SLC39A12: variants seen among roughly 807,000 people sequenced by gnomAD.
SLC39A12 encodes zinc transporter ZIP12.
In SLC39A12, 63 loss-of-function variants were observed where a neutral mutation model predicts 71.1. The observed-to-expected ratio is 0.89, with a 90% CI of 0.72 to 1.09. The LOEUF (loss-of-function observed/expected upper bound fraction) is 1.09, where lower values mean the gene tolerates loss of function less well. SLC39A12 is among the 50% of genes least tolerant of loss of function. SLC39A12 has a pLI of 0.00. For synonymous variants in SLC39A12, 351 were observed against 301.3 expected (o/e 1.16, Z -1.71); for missense variants, 892 against 812.6 (o/e 1.10, Z -1.19).
At chr10:17,987,953 C>T (rs544482966) in intron 7 of SLC39A12, among the ~76,000 whole-genome samples, 15 of 152,038 alleles carry the variant, frequency 9.9e-5, no homozygotes, top group Non-Finnish European at 1.9e-4. Flanking sequence ...GCGGGAAGAT[C>T]GCTGGAGCCC....
At chr10:17,984,479 G>C (rs1231608907) in intron 6 of SLC39A12, among the ~76,000 whole-genome samples, 1 of 152,130 alleles carries the variant, frequency 6.6e-6, no homozygotes, top group Non-Finnish European at 1.5e-5. Flanking sequence ...TCTAAAATGG[G>C]ACAGCTGTAA....
chr10:18,017,734 A>G (rs1836425711), intron 12 of SLC39A12, among the ~76,000 whole-genome samples: 1 of 152,082 alleles, frequency 6.6e-6, no homozygotes, highest in Non-Finnish European at 1.5e-5. Context: ...TATGCCATTG[A>G]TCTATTTGTC....
At chr10:17,996,497 A>T (rs1431352713) in intron 10 of SLC39A12, among the ~76,000 whole-genome samples, 2 of 152,250 alleles carry the variant, frequency 1.3e-5, no homozygotes, top group Non-Finnish European at 2.9e-5. Context: ...TAACTTAGCA[A>T]ATAGTGAAAA....
chr10:18,041,463 T>C (rs1167789829), intron 12 of SLC39A12, among the ~76,000 whole-genome samples: 2 of 149,312 alleles, frequency 1.3e-5, no homozygotes, highest in Non-Finnish European at 3.0e-5. Flanking sequence ...ACCACTGCAC[T>C]CCAGCCTGGG....
chr10:17,986,215 G>T (rs1835392514), intron 6 of SLC39A12, among the ~76,000 whole-genome samples: 1 of 152,192 alleles, frequency 6.6e-6, no homozygotes, highest in South Asian at 2.1e-4. Flanking sequence ...TCAAGTGAGA[G>T]AAATTTATTT....
chr10:18,022,317 A>T (rs989742064), intron 12 of SLC39A12, among the ~76,000 whole-genome samples: 19 of 144,046 alleles, frequency 1.3e-4, no homozygotes, highest in Non-Finnish European at 2.3e-4. Context: ...GGTTTTGTTT[A>T]TTTTTTTTTT....
At chr10:17,982,623 T>C (rs1835289658) in intron 6 of SLC39A12, among the ~76,000 whole-genome samples, 2 of 152,162 alleles carry the variant, frequency 1.3e-5, no homozygotes, top group African/African-American at 4.8e-5. Context: ...AAAAAGAGCT[T>C]CATTAATAGT....
At chr10:18,038,207 C>T (rs79886316) in intron 12 of SLC39A12, among the ~76,000 whole-genome samples, 2,946 of 151,598 alleles carry the variant, frequency 0.019, 36 homozygotes, top group South Asian at 0.044. Context: ...TGGATAATGC[C>T]GTCATTTATA....
intron 12 of SLC39A12, among the ~76,000 whole-genome samples, chr10:18,031,020 G>A (rs1191376004): frequency 2.6e-5 from 4 of 151,242 alleles, no homozygotes; most frequent in South Asian, 4.2e-4. Context: ...GTGTATATGT[G>A]CCACATTTTC....
intron 7 of SLC39A12, among the ~76,000 whole-genome samples, chr10:17,989,896 A>G (rs1926737): frequency 0.68 from 103,776 of 151,570 alleles, 35,991 homozygotes; most frequent in Non-Finnish European, 0.74. Context: ...GGGCAACAGA[A>G]CGAGACTCTG....
At chr10:18,036,099 T>C (rs1327883267) in intron 12 of SLC39A12, among the ~76,000 whole-genome samples, 2 of 152,208 alleles carry the variant, frequency 1.3e-5, no homozygotes, top group Non-Finnish European at 2.9e-5. Context: ...TGCTGTCTTT[T>C]TGTTTGTCTG....
chr10:17,983,538 C>G (rs887780397), intron 6 of SLC39A12, among the ~76,000 whole-genome samples: 1 of 152,086 alleles, frequency 6.6e-6, no homozygotes, highest in African/African-American at 2.4e-5. Context: ...AATCCCAGCA[C>G]TTTGGGAGGC....
intron 12 of SLC39A12, among the ~76,000 whole-genome samples, chr10:18,003,796 C>A (rs1211983982): frequency 6.6e-6 from 1 of 152,156 alleles, no homozygotes; most frequent in Non-Finnish European, 1.5e-5. Context: ...TGTTAAATAG[C>A]CAGCTATTTT....
intron 3 of SLC39A12, among the ~76,000 whole-genome samples, chr10:17,964,758 G>A (rs1323280892): frequency 6.6e-6 from 1 of 152,218 alleles, no homozygotes; most frequent in Non-Finnish European, 1.5e-5. Flanking sequence ...GATGACGCAA[G>A]GCAGCAGAGC....
At chr10:18,004,830 C>T (rs1188902602) in intron 12 of SLC39A12, among the ~76,000 whole-genome samples, 1 of 152,046 alleles carries the variant, frequency 6.6e-6, no homozygotes, top group Non-Finnish European at 1.5e-5. Flanking sequence ...AACCCAAGTG[C>T]CCATCAGTGA....
At chr10:17,962,396 T>G (rs1460872704) in intron 3 of SLC39A12, among the ~76,000 whole-genome samples, 2 of 152,198 alleles carry the variant, frequency 1.3e-5, no homozygotes, top group African/African-American at 4.8e-5. Flanking sequence ...TCCATTCAAA[T>G]GCCTCTCCTC....
chr10:17,986,275 A>G (rs959045265), intron 6 of SLC39A12, among the ~76,000 whole-genome samples: 5 of 152,204 alleles, frequency 3.3e-5, no homozygotes, highest in African/African-American at 1.2e-4. Context: ...AATAATTTTT[A>G]GTAAGGGGTA....
At chr10:17,974,202 C>G (rs1449368289) in intron 4 of SLC39A12, among the ~76,000 whole-genome samples, 2 of 152,000 alleles carry the variant, frequency 1.3e-5, no homozygotes, top group Non-Finnish European at 2.9e-5. Flanking sequence ...CTCAAAACAG[C>G]CATTTTGAAT....
At chr10:18,022,179 G>A (rs1041494137) in intron 12 of SLC39A12, among the ~76,000 whole-genome samples, 3 of 152,140 alleles carry the variant, frequency 2.0e-5, no homozygotes, top group African/African-American at 7.2e-5. Context: ...CTGTAGTAAG[G>A]TTGAAGAAAT....
Sources: gnomAD v4.1 joint callset for allele counts (sites outside exome capture counted in the v4.1 genomes callset) on GRCh38, gnomAD v4.1.1 for gene constraint, MANE v1.5 for transcripts, NCBI Gene and HGNC (gene_info 2026-07-23, HGNC 2026-07-21) for gene names.